The following NFIB variants were observed in gnomAD, a reference collection of about 807,000 sequenced individuals.
The protein encoded by NFIB is nuclear factor I B.
NFIB carries 11 observed loss-of-function variants against 61.5 expected under a neutral mutation model. The observed-to-expected ratio is 0.18, with a 90% confidence interval of 0.11 to 0.30. The LOEUF is 0.30. Ranked by LOEUF, NFIB falls within the 10% of genes least tolerant of loss-of-function variation. NFIB has a pLI of 1.00. For synonymous variants in NFIB, 260 were observed against 216.5 expected (o/e 1.20, Z -1.76); for missense variants, 471 against 608.9 (o/e 0.77, Z 2.38).
At chr9:14,114,364 T>G (rs1385528144) in intron 9 of NFIB, among the ~76,000 whole-genome samples, 1 of 152,174 alleles carries the variant, frequency 6.6e-6, no homozygotes, top group African/African-American at 2.4e-5. Flanking sequence ...GCACCAAATC[T>G]ATGCTGCTTT....
chr9:14,370,977 C>T (rs767318972), intron 1 of NFIB, among the ~76,000 whole-genome samples: 4 of 152,152 alleles, frequency 2.6e-5, no homozygotes, highest in African/African-American at 4.8e-5. Context: ...CACCTGTAAT[C>T]CCAGCTATTC....
At chr9:14,399,660 G>T (rs2061723051), upstream of NFIB, among the ~76,000 whole-genome samples, 2 of 152,126 alleles carry the variant, frequency 1.3e-5, no homozygotes, top group South Asian at 4.1e-4. Context: ...TTGAAAGCCA[G>T]AAGTCATGTT....
At chr9:14,133,014 C>G (rs1194370434) in intron 6 of NFIB, among the ~76,000 whole-genome samples, 1 of 151,994 alleles carries the variant, frequency 6.6e-6, no homozygotes, top group Non-Finnish European at 1.5e-5. Context: ...TTGATACAGA[C>G]CAGAGAAGGA....
intron 1 of NFIB, chr9:14,398,459 A>G (rs1182383242): frequency 3.4e-6 from 4 of 1,184,332 alleles, no homozygotes; most frequent in Admixed American, 2.2e-5. Context: ...ACTGAGACAC[A>G]TTGTCTAAGA....
chr9:14,412,205 A>C, the NFIB span, among the ~76,000 whole-genome samples: 24 of 152,296 alleles, frequency 1.6e-4, no homozygotes, highest in African/African-American at 5.3e-4. Flanking sequence ...AAGTACTTAC[A>C]TATGGTCTTA....
At chr9:14,476,778 G>T in the NFIB span, among the ~76,000 whole-genome samples, 1 of 152,304 alleles carries the variant, frequency 6.6e-6, no homozygotes. Flanking sequence ...TGAGATAGGT[G>T]CCCACAATCT....
At chr9:14,154,943 C>T (rs1489569128) in intron 4 of NFIB, among the ~76,000 whole-genome samples, 1 of 152,072 alleles carries the variant, frequency 6.6e-6, no homozygotes, top group African/African-American at 2.4e-5. Flanking sequence ...TTATTCATGA[C>T]CTCTAAATAT....
At chr9:14,467,989 G>C in the NFIB span, among the ~76,000 whole-genome samples, 1 of 152,220 alleles carries the variant, frequency 6.6e-6, no homozygotes, top group Admixed American at 6.5e-5. Context: ...TAATCCTGTG[G>C]AGATGTCACT....
Position 14,113,021 on chromosome 9 carries a change from G to A in NFIB, c.1445C>T (p.Pro482Leu), listed in dbSNP as rs921856162. Residue 482 changes from proline to leucine, a missense_variant, in exon 10 of 11, where the codon CCA (proline) becomes CTA (leucine). Coordinates refer to ENST00000380953, the MANE Select transcript of NFIB (RefSeq NM_001190737.2). The stretch of plus-strand genomic sequence containing the variant: ...CACCTGTTGCTGATGTAGGAAGGAT[G>A]GGTCTCTTGGGCTTAGTCCCACATA... Reference protein sequence around the residue: ...NRYVGLSPRDPSFLHQQQSWY... With the variant: ...NRYVGLSPRDLSFLHQQQSWY... 2.6e-6 allele frequency: 4 copies of A among 1,550,340 alleles called. No individual in the cohort carries two copies. The highest frequency in any genetic ancestry group is 3.5e-6 in the Non-Finnish European group (4 of 1,146,866).
At chr9:14,319,762 G>A (rs1264292169) in intron 1 of NFIB, among the ~76,000 whole-genome samples, 2 of 152,290 alleles carry the variant, frequency 1.3e-5, no homozygotes, top group East Asian at 3.9e-4. Context: ...CAAACTTTCT[G>A]CACCCCTTTC....
At chr9:14,429,255 G>T in the NFIB span, among the ~76,000 whole-genome samples, 1 of 152,166 alleles carries the variant, frequency 6.6e-6, no homozygotes, top group Non-Finnish European at 1.5e-5. Context: ...GGGGAGTACT[G>T]GTCATCAGGA....
chr9:14,413,197 T>TGGCAATGGAGGACACACTTGG, the NFIB span, among the ~76,000 whole-genome samples: 3 of 152,140 alleles, frequency 2.0e-5, no homozygotes, highest in African/African-American at 7.2e-5. Flanking sequence ...GTGGCATGGA[T>TGGCAATGGAGGACACACTTGG]GGCAATGGAG....
intron 1 of NFIB, among the ~76,000 whole-genome samples, chr9:14,325,744 A>G (rs1427972143): frequency 2.6e-5 from 4 of 152,144 alleles, no homozygotes; most frequent in Non-Finnish European, 5.9e-5. Context: ...AATTTAAAGT[A>G]TGTAATAAAG....
chr9:14,110,996 G>A (rs1453572904), intron 10 of NFIB, among the ~76,000 whole-genome samples: 2 of 152,118 alleles, frequency 1.3e-5, no homozygotes, highest in East Asian at 3.9e-4. Context: ...TGCTTCCAAA[G>A]ATTAATATAT....
intron 10 of NFIB, among the ~76,000 whole-genome samples, chr9:14,104,260 A>T (rs987612530): frequency 6.6e-6 from 1 of 152,214 alleles, no homozygotes. Context: ...AAGGAAAAAA[A>T]AGTACACTTT....
the NFIB span, chr9:14,531,794 G>C: frequency 2.0e-5 from 3 of 151,672 alleles, no homozygotes; most frequent in Admixed American, 6.6e-5. Flanking sequence ...CTGGTGTGCA[G>C]AGGCACCCCA....
At chr9:14,277,451 T>G (rs906434977) in intron 2 of NFIB, among the ~76,000 whole-genome samples, 2 of 152,238 alleles carry the variant, frequency 1.3e-5, no homozygotes, top group African/African-American at 4.8e-5. Context: ...ATTATGTGCT[T>G]CTGTTTGTGG....
At chr9:14,408,651 G>A in the NFIB span, among the ~76,000 whole-genome samples, 2 of 152,098 alleles carry the variant, frequency 1.3e-5, no homozygotes, top group East Asian at 3.9e-4. Flanking sequence ...AATGGTCATG[G>A]GTACAACGAA....
chr9:14,303,733 T>G (rs1365879457), intron 2 of NFIB, among the ~76,000 whole-genome samples: 1 of 152,144 alleles, frequency 6.6e-6, no homozygotes, highest in Non-Finnish European at 1.5e-5. Flanking sequence ...CTGGCAACCA[T>G]TATTGGCATC....
Sources: gnomAD v4.1 joint callset for allele counts (sites outside exome capture counted in the v4.1 genomes callset) on GRCh38, gnomAD v4.1.1 for gene constraint, MANE v1.5 for transcripts, NCBI Gene and HGNC (gene_info 2026-07-23, HGNC 2026-07-21) for gene names.